ST3GAL3: variants seen among roughly 807,000 people sequenced by gnomAD.
ST3GAL3 encodes the protein ST3 beta-galactoside alpha-2,3-sialyltransferase 3, also known as CMP-N-acetylneuraminate-beta-1,4-galactoside alpha-2,3-sialyltransferase.
ST3GAL3 carries 21 observed loss-of-function variants against 50.1 expected under a neutral mutation model. The observed-to-expected ratio is 0.42, with a 90% CI of 0.30 to 0.60. The LOEUF is 0.60. Ranked by LOEUF, ST3GAL3 falls within the 20% of genes least tolerant of loss-of-function variation. The probability of loss-of-function intolerance (pLI) is 0.19; values close to 1 mark genes in which losing one functional copy is unlikely to be tolerated. For missense variants in ST3GAL3, 353 were observed against 489.4 expected (o/e 0.72, Z 2.63); for synonymous variants, 183 against 190.0 (o/e 0.96, Z 0.30).
chr1:43,861,167 C>T (rs1216327525), intron 5 of ST3GAL3, among the ~76,000 whole-genome samples: 1 of 152,204 alleles, frequency 6.6e-6, no homozygotes, highest in Non-Finnish European at 1.5e-5. Flanking sequence ...GGGTTAGAAT[C>T]CCAACTTTGC....
chr1:43,759,359 G>A (rs1210058779), intron 2 of ST3GAL3, among the ~76,000 whole-genome samples: 2 of 152,154 alleles, frequency 1.3e-5, no homozygotes, highest in Non-Finnish European at 1.5e-5. Context: ...TGGGAGAATC[G>A]CTTGAACCTG....
intron 3 of ST3GAL3, among the ~76,000 whole-genome samples, chr1:43,807,518 T>C (rs900469249): frequency 2.6e-5 from 4 of 152,224 alleles, no homozygotes. Flanking sequence ...GGATTTGTTC[T>C]GAGAACAGTA....
At chr1:43,915,387 A>G (rs2081612019) in intron 9 of ST3GAL3, among the ~76,000 whole-genome samples, 1 of 152,182 alleles carries the variant, frequency 6.6e-6, no homozygotes, top group Non-Finnish European at 1.5e-5. Context: ...AATTCTTACA[A>G]TAGCTTGTAA....
intron 5 of ST3GAL3, 35 bp downstream of exon 5, chr1:43,838,346 G>A: frequency 6.3e-7 from 1 of 1,587,112 alleles, no homozygotes; most frequent in Non-Finnish European, 8.6e-7. Flanking sequence ...TGCCTAGACA[G>A]CCTGGTCTGG....
intron 2 of ST3GAL3, among the ~76,000 whole-genome samples, chr1:43,789,410 G>T (rs1449653672): frequency 1.3e-5 from 2 of 152,170 alleles, no homozygotes; most frequent in African/African-American, 4.8e-5. Context: ...GGATTGTGAT[G>T]ATGGTTATGG....
chr1:43,901,315 T>A (rs1427716767), intron 9 of ST3GAL3, among the ~76,000 whole-genome samples: 1 of 152,188 alleles, frequency 6.6e-6, no homozygotes. Context: ...CCATTGGTTT[T>A]TACCCTTCAG....
chr1:43,915,540 G>C (rs1022550655), intron 9 of ST3GAL3, among the ~76,000 whole-genome samples: 2 of 152,190 alleles, frequency 1.3e-5, no homozygotes, highest in African/African-American at 4.8e-5. Context: ...CCTCTTGAAG[G>C]TCAGATGTCA....
chr1:43,848,644 A>T (rs369614873), intron 5 of ST3GAL3, among the ~76,000 whole-genome samples: 1 of 149,020 alleles, frequency 6.7e-6, no homozygotes, highest in South Asian at 2.2e-4. Flanking sequence ...AGTTTATTTA[A>T]CTCCTCAGAT....
At chr1:43,725,605 G>T (rs1672582861) in intron 1 of ST3GAL3, among the ~76,000 whole-genome samples, 1 of 151,880 alleles carries the variant, frequency 6.6e-6, no homozygotes, top group Non-Finnish European at 1.5e-5. Flanking sequence ...ATCTTTTTCT[G>T]TCTCTCATGG....
At chr1:43,822,692 C>G (rs37460) in intron 4 of ST3GAL3, among the ~76,000 whole-genome samples, 83,062 of 151,980 alleles carry the variant, frequency 0.55, 24,300 homozygotes, top group African/African-American at 0.77. Context: ...GCACTAGGTA[C>G]TTTCTATGTT....
At chr1:43,902,412 C>CA (rs2078437937) in intron 9 of ST3GAL3, among the ~76,000 whole-genome samples, 1 of 152,142 alleles carries the variant, frequency 6.6e-6, no homozygotes, top group African/African-American at 2.4e-5. Flanking sequence ...TGGGAAGGGG[C>CA]AGGGGGGAAG....
At chr1:43,872,576 TCACAATA>T (rs557002559) in intron 5 of ST3GAL3, among the ~76,000 whole-genome samples, 130 of 152,154 alleles carry the variant, frequency 8.5e-4, no homozygotes, top group Non-Finnish European at 1.5e-3. Flanking sequence ...CACTTCATCT[TCACAATA>T]ATCCACGAGG....
Position 43,899,364 on chromosome 1 carries a change from A to G in ST3GAL3, c.557+101A>G. 6.2e-7 allele frequency: 1 copy of G among 1,604,740 alleles called. No homozygotes were observed. Among genetic ancestry groups the G allele is most frequent in the Non-Finnish European group, 8.5e-7 (1 of 1,175,536 alleles). On this transcript the variant is annotated intron_variant, in intron 8 of 11. Coordinates refer to ENST00000347631, the MANE Select transcript of ST3GAL3 (RefSeq NM_006279.5). The surrounding 1 kb of genome is among the most constrained non-coding windows in gnomAD (Gnocchi z 5.4). ...TGTCTGGCTAGTTGGGCTGGAGGTC[A>G]ACGGAAGCCTCAAGAACTCTGGGTT...
intron 2 of ST3GAL3, among the ~76,000 whole-genome samples, chr1:43,750,857 T>C (rs1020214434): frequency 6.6e-6 from 1 of 151,692 alleles, no homozygotes; most frequent in Non-Finnish European, 1.5e-5. Flanking sequence ...GCCTGGCTGA[T>C]AAAGTGAGTG....
At chr1:43,744,655 AAAATAAAT>A (rs71036638) in intron 2 of ST3GAL3, among the ~76,000 whole-genome samples, 121 of 140,962 alleles carry the variant, frequency 8.6e-4, no homozygotes, top group East Asian at 5.5e-3. Flanking sequence ...TCCCTCTCAA[AAAATAAAT>A]AAATAAATAA....
chr1:43,874,784 A>G (rs1161861183), intron 5 of ST3GAL3, among the ~76,000 whole-genome samples: 2 of 152,228 alleles, frequency 1.3e-5, no homozygotes, highest in African/African-American at 4.8e-5. Context: ...TGTTTCACAT[A>G]TTTCAGTACC....
At chr1:43,748,468 A>G (rs1684774783) in intron 2 of ST3GAL3, among the ~76,000 whole-genome samples, 1 of 129,256 alleles carries the variant, frequency 7.7e-6, no homozygotes, top group South Asian at 2.3e-4. Context: ...TGGCTCTGTC[A>G]TCCAGGCTGG....
chr1:43,707,538 T>A lies in ST3GAL3; in HGVS notation c.-186T>A, dbSNP rs1437493226. On this transcript the variant is annotated 5_prime_UTR_variant, in exon 1 of 12. Coordinates refer to ENST00000347631, the MANE Select transcript of ST3GAL3 (RefSeq NM_006279.5). ...CGCGGCCGCGCGCTCCGCCCGCCGC[T>A]GCGTCCCCACTATGGCGGCGCCCAT... 3 of 151,754 alleles carry A rather than the reference T, an allele frequency of 2.0e-5. No individual in the cohort carries two copies. The highest frequency in any genetic ancestry group is 1.9e-4 in the East Asian group (1 of 5,156). 9.4% of individuals were successfully genotyped at this position (151,754 alleles called of 1,614,324 possible).
At chr1:43,842,547 C>G (rs1243969045) in intron 5 of ST3GAL3, 3 of 152,088 alleles carry the variant, frequency 2.0e-5, no homozygotes, top group African/African-American at 2.4e-5. Context: ...TGGCTCACAC[C>G]TGTAATCCCA....
Sources: allele counts gnomAD v4.1 joint callset (sites outside exome capture counted in the v4.1 genomes callset), GRCh38; gene constraint gnomAD v4.1.1; non-coding constraint Gnocchi (gnomAD v3.1); transcripts MANE v1.5; gene names NCBI Gene and HGNC (gene_info 2026-07-23, HGNC 2026-07-21).